Variants in GALNTL6 observed in about 807,000 individuals in gnomAD.
GALNTL6 encodes the protein polypeptide N-acetylgalactosaminyltransferase like 6, also known as polypeptide N-acetylgalactosaminyltransferase-like 6.
GALNTL6 carries 46 observed loss-of-function variants against 73.7 expected under a neutral mutation model. The observed-to-expected ratio is 0.62, with a 90% CI of 0.49 to 0.80. The LOEUF is 0.80. GALNTL6 is among the 30% of genes least tolerant of loss of function. The pLI, the probability that GALNTL6 is intolerant of heterozygous loss-of-function variation, is 0.00. For missense variants in GALNTL6, 604 were observed against 755.0 expected (o/e 0.80, Z 2.34); for synonymous variants, 259 against 263.7 (o/e 0.98, Z 0.17).
intron 5 of GALNTL6, among the ~76,000 whole-genome samples, chr4:172,799,657 C>T (rs1740493131): frequency 6.6e-6 from 1 of 152,158 alleles, no homozygotes; most frequent in Non-Finnish European, 1.5e-5. Context: ...CCCTTGTGTA[C>T]TGTTGCTGGG....
At chr4:172,550,364 A>G (rs1241506237) in intron 5 of GALNTL6, among the ~76,000 whole-genome samples, 2 of 152,176 alleles carry the variant, frequency 1.3e-5, no homozygotes, top group Non-Finnish European at 2.9e-5. Flanking sequence ...TAGGGAAAAT[A>G]TAGTGCATCA....
chr4:172,872,602 G>A (rs942309924), intron 7 of GALNTL6, among the ~76,000 whole-genome samples: 3 of 152,130 alleles, frequency 2.0e-5, no homozygotes, highest in African/African-American at 7.2e-5. Context: ...ACATTGTTTA[G>A]CCTCAGGAGA....
intron 2 of GALNTL6, among the ~76,000 whole-genome samples, chr4:172,169,835 A>C (rs1734754195): frequency 1.3e-5 from 2 of 152,242 alleles, no homozygotes; most frequent in Non-Finnish European, 2.9e-5. Flanking sequence ...CAAGCTTTTC[A>C]GAGGTTTAAT....
At chr4:172,688,171 T>C (rs2111249698) in intron 5 of GALNTL6, among the ~76,000 whole-genome samples, 1 of 151,598 alleles carries the variant, frequency 6.6e-6, no homozygotes, top group African/African-American at 2.4e-5. Context: ...ATAATGCACA[T>C]GGCAAACTGT....
At chr4:171,827,443 T>C (rs1303002357) in intron 2 of GALNTL6, among the ~76,000 whole-genome samples, 2 of 152,134 alleles carry the variant, frequency 1.3e-5, no homozygotes, top group African/African-American at 4.8e-5. Context: ...ATTATGTAAT[T>C]TCACAGGTGT....
At chr4:172,760,786 G>A (rs1168390547) in intron 5 of GALNTL6, among the ~76,000 whole-genome samples, 2 of 152,116 alleles carry the variant, frequency 1.3e-5, no homozygotes, top group African/African-American at 2.4e-5. Flanking sequence ...CCCACAATGT[G>A]GGTCCTGACC....
chr4:172,426,519 A>C (rs950900310), intron 5 of GALNTL6, among the ~76,000 whole-genome samples: 2 of 152,098 alleles, frequency 1.3e-5, no homozygotes, highest in Admixed American at 1.3e-4. Context: ...ATGCCATTCC[A>C]TTATTATGGA....
At chr4:172,467,824 TTCTTTCTTTCTTTC>T (rs1732881871) in intron 5 of GALNTL6, among the ~76,000 whole-genome samples, 1 of 147,494 alleles carries the variant, frequency 6.8e-6, no homozygotes, top group South Asian at 2.1e-4. Context: ...CTTTCTTTCT[TTCTTTCTTTCTTTC>T]TTTCTTTCTT....
intron 2 of GALNTL6, among the ~76,000 whole-genome samples, chr4:171,825,519 T>C (rs1734799988): frequency 6.6e-6 from 1 of 152,132 alleles, no homozygotes; most frequent in Non-Finnish European, 1.5e-5. Context: ...TTAACTTTTC[T>C]TTCACAAGCC....
intron 2 of GALNTL6, among the ~76,000 whole-genome samples, chr4:172,155,063 T>G (rs757833794): frequency 5.3e-5 from 8 of 151,534 alleles, no homozygotes; most frequent in Non-Finnish European, 1.0e-4. Context: ...AGTGGCACAA[T>G]CTTGGCTCAC....
At chr4:172,626,940 AAG>A (rs898800554) in intron 5 of GALNTL6, among the ~76,000 whole-genome samples, 1 of 152,092 alleles carries the variant, frequency 6.6e-6, no homozygotes, top group African/African-American at 2.4e-5. Context: ...ATTGTCAGTG[AAG>A]AGAGACAACT....
At chr4:172,576,259 G>A (rs1736951976) in intron 5 of GALNTL6, among the ~76,000 whole-genome samples, 1 of 151,842 alleles carries the variant, frequency 6.6e-6, no homozygotes, top group Non-Finnish European at 1.5e-5. Context: ...GGAACCGGGG[G>A]AGACTGTGCT....
intron 2 of GALNTL6, among the ~76,000 whole-genome samples, chr4:172,155,153 A>G (rs976689282): frequency 6.6e-6 from 1 of 150,568 alleles, no homozygotes; most frequent in African/African-American, 2.4e-5. Flanking sequence ...GCCTGCCACC[A>G]CGCCCAGCTA....
chr4:173,009,578 A>G (rs1358768255), intron 11 of GALNTL6, among the ~76,000 whole-genome samples: 1 of 152,226 alleles, frequency 6.6e-6, no homozygotes, highest in Non-Finnish European at 1.5e-5. Flanking sequence ...CCCTAGTCTT[A>G]CTTCTTTTCC....
At chr4:172,977,142 T>C (rs1750849849) in intron 10 of GALNTL6, among the ~76,000 whole-genome samples, 1 of 152,192 alleles carries the variant, frequency 6.6e-6, no homozygotes, top group African/African-American at 2.4e-5. Context: ...TTGATGAACA[T>C]GGAATCAGAA....
chr4:172,539,902 TATATA>T (rs1272049383), intron 5 of GALNTL6, among the ~76,000 whole-genome samples: 4 of 126,692 alleles, frequency 3.2e-5, no homozygotes, highest in Non-Finnish European at 5.0e-5. Flanking sequence ...TATATATATA[TATATA>T]AAAAATCTCA....
chr4:172,113,767 C>A (rs566447951), intron 2 of GALNTL6, among the ~76,000 whole-genome samples: 1 of 151,956 alleles, frequency 6.6e-6, no homozygotes, highest in East Asian at 1.9e-4. Flanking sequence ...CAGACAAGAC[C>A]CTCTGGAGTC....
At chr4:171,987,036 G>GT (rs199960784) in intron 2 of GALNTL6, among the ~76,000 whole-genome samples, 148,528 of 151,974 alleles carry the variant, frequency 0.98, 72,677 homozygotes, top group Middle Eastern at 1. Context: ...GGGATGACAA[G>GT]TTTTTGGGGG....
rs557828199 is a variant in GALNTL6 at position 172,466,418 on chromosome 4, T to G, written c.553+117729T>G. On this transcript the variant is annotated intron_variant, in intron 5 of 12. Coordinates refer to ENST00000506823, the MANE Select transcript of GALNTL6 (RefSeq NM_001034845.3). ...TACCTAACGAAAAGAATAAATTTTT[T>G]TATTTATTTTTCATTTTCTTAGTCT... Among the ~76,000 whole-genome samples the G allele has an allele frequency of 5.9e-5, 9 of 152,326 alleles. No individual in the cohort carries two copies. The South Asian group carries it at 1.2e-3, about 21-fold the overall frequency.
Sources: allele counts gnomAD v4.1 joint callset (sites outside exome capture counted in the v4.1 genomes callset), GRCh38; gene constraint gnomAD v4.1.1; transcripts MANE v1.5; gene names NCBI Gene and HGNC (gene_info 2026-07-23, HGNC 2026-07-21).